The following CCDC88C variants were observed in gnomAD, a reference collection of about 807,000 sequenced individuals.
The protein encoded by CCDC88C is coiled-coil and HOOK domain protein 88C, also known as protein Daple.
In CCDC88C, 131 loss-of-function variants were observed where a neutral mutation model predicts 198.8. The ratio of observed to expected loss-of-function variants is 0.66; its 90% CI spans 0.57 to 0.76. CCDC88C has a LOEUF of 0.76. Ranked by LOEUF, CCDC88C falls within the 30% of genes least tolerant of loss-of-function variation. The pLI is 0.00. For missense variants in CCDC88C, 2,553 were observed against 2,631.6 expected (o/e 0.97, Z 0.65); for synonymous variants, 1,166 against 1,114.7 (o/e 1.05, Z -0.92).
At chr14:91,293,554 C>CACCCGCCACAG (rs1890847548) in intron 23 of CCDC88C, among the ~76,000 whole-genome samples, 1 of 49,170 alleles carries the variant, frequency 2.0e-5, no homozygotes, top group Non-Finnish European at 4.1e-5. Context: ...CTTCCTGTCC[C>CACCCGCCACAG]CTCGCCTGCC....
Position 91,272,460 on chromosome 14 carries a change from C to T in CCDC88C, c.*165G>A. On this transcript the variant is annotated 3_prime_UTR_variant, in exon 30 of 30. Transcript: ENST00000389857. ...ACCTGGAAGCGTAATCCTCTTGGGG[C>T]TTGGCACAGTGTTTCCATTCACAGA... 1.4e-6 allele frequency: 1 copy of T among 696,514 alleles called. No individual in the cohort carries two copies. The highest frequency in any genetic ancestry group is 2.4e-6 in the Non-Finnish European group (1 of 424,206). The allele number at this position is 696,514 out of a possible 1,614,324, so 43.1% of individuals were successfully genotyped here.
chr14:91,289,465 G>A, intron 24 of CCDC88C, 122 bp from the exon 25 acceptor site: 1 of 845,690 alleles, frequency 1.2e-6, no homozygotes, highest in African/African-American at 1.6e-5. Flanking sequence ...CACTCACGTG[G>A]GGTTCAGGAC....
chr14:91,390,720 G>C (rs1885457187), intron 3 of CCDC88C, among the ~76,000 whole-genome samples: 1 of 152,122 alleles, frequency 6.6e-6, no homozygotes, highest in Non-Finnish European at 1.5e-5. Context: ...AGGATTCCCA[G>C]AGCCTAAGGG....
At chr14:91,384,655 C>T (rs1461639115) in intron 3 of CCDC88C, 9 of 384,544 alleles carry the variant, frequency 2.3e-5, no homozygotes, top group Admixed American at 6.0e-5. Context: ...GGCCAGCCTA[C>T]CCCAACTGCA....
rs541845801 is a variant in CCDC88C at position 91,299,910 on chromosome 14, C to T, written c.3779+17G>A. The T allele has an allele frequency of 9.5e-6, 15 of 1,572,920 alleles. No individual in the cohort carries two copies. The highest frequency in any genetic ancestry group is 2.0e-4 in the Middle Eastern group (1 of 4,910). ...TCTGGGGTGCTGCTATGTGCAGGGC[C>T]GGGCGCCGGCGCTCACCTGTCCAGC... On this transcript the variant is annotated intron_variant, in intron 21 of 29. Coordinates refer to ENST00000389857, the MANE Select transcript of CCDC88C (RefSeq NM_001080414.4).
chr14:91,303,233 A>T (rs115595310), intron 20 of CCDC88C, among the ~76,000 whole-genome samples: 4,268 of 136,764 alleles, frequency 0.031, 73 homozygotes, highest in Non-Finnish European at 0.047. Context: ...CTCCCCACAC[A>T]CCCTGCCTCT....
chr14:91,384,406 T>C (rs1596141060), intron 3 of CCDC88C: 2 of 510,976 alleles, frequency 3.9e-6, no homozygotes, highest in African/African-American at 1.9e-5. Flanking sequence ...AAGCGGAAGG[T>C]AGACCATCCT....
intron 26 of CCDC88C, among the ~76,000 whole-genome samples, chr14:91,282,426 G>A (rs963024739): frequency 8.5e-5 from 13 of 152,106 alleles, no homozygotes; most frequent in Admixed American, 5.9e-4. Context: ...GCCCTTTTCC[G>A]TTTTAAGCAT....
Position 91,309,944 on chromosome 14 carries a change from C to A in CCDC88C, c.2779G>T (p.Glu927Ter). 1.2e-6 allele frequency: 2 copies of A among 1,605,406 alleles called. No homozygotes were observed. The highest frequency in any genetic ancestry group is 1.7e-6 in the Non-Finnish European group (2 of 1,176,024). The part of the protein sequence containing the change: ...EKLKSQQLSS[E>*]LDKLSQELEK... ...AGTTCCTGGCTCAGCTTGTCCAGCT[C>A]ACTGCTGAGCTGCTGGCTCTTCAGC... Residue 927 changes from glutamate (E) to a stop codon, truncating the protein, a stop_gained, in exon 16 of 30, where the codon GAG becomes TAG. Coordinates refer to ENST00000389857, the MANE Select transcript of CCDC88C (RefSeq NM_001080414.4). LOFTEE classifies it high-confidence loss of function.
Position 91,297,426 on chromosome 14 carries a change from A to G in CCDC88C, c.3845T>C (p.Leu1282Pro), listed in dbSNP as rs1475860355. 2.5e-6 allele frequency: 4 copies of G among 1,606,198 alleles called. No individual in the cohort carries two copies. Among genetic ancestry groups the G allele is most frequent in the Non-Finnish European group, 3.4e-6 (4 of 1,176,400 alleles). ...CTGCGCGTTGTTCAGTGAGGTTTTCAGCTCCTTGGTGTGGGCGTGCAGCTC... is the reference window on the plus strand; with the variant it reads ...CTGCGCGTTGTTCAGTGAGGTTTTCGGCTCCTTGGTGTGGGCGTGCAGCTC... ...YEELHAHTKE[L>P]KTSLNNAQLE... Residue 1282 changes from leucine to proline, a missense_variant, in exon 22 of 30, where the codon CTG becomes CCG. This residue lies in a region of CCDC88C where 1,293 missense variants were observed against 1,219.6 expected (regional missense o/e 1.06). Coordinates refer to ENST00000389857, the MANE Select transcript of CCDC88C (RefSeq NM_001080414.4).
intron 25 of CCDC88C, among the ~76,000 whole-genome samples, chr14:91,287,936 T>G (rs1315477532): frequency 6.6e-6 from 1 of 152,218 alleles, no homozygotes; most frequent in African/African-American, 2.4e-5. Context: ...AGGTAAATGC[T>G]GTGTCTAATC....
Position 91,272,625 on chromosome 14 carries a change from T to G in CCDC88C, c.6087A>C (p.Ter2029CysextTer5). ...QTVWYEYGCV* is the reference protein window; with the variant it reads ...QTVWYEYGCVC ...GTTTGCGAGCTCAACCACGAGACAGTCACACACAGCCGTACTCATACCACA... is the reference window on the plus strand; with the variant it reads ...GTTTGCGAGCTCAACCACGAGACAGGCACACACAGCCGTACTCATACCACA... Residue 2029 changes from the stop codon to cysteine (C), a stop_lost, in exon 30 of 30, where the codon TGA becomes TGC. Coordinates refer to ENST00000389857, the MANE Select transcript of CCDC88C (RefSeq NM_001080414.4). 6.2e-7 allele frequency: 1 copy of G among 1,603,842 alleles called. No individual in the cohort carries two copies. The highest frequency in any genetic ancestry group is 8.5e-7 in the Non-Finnish European group (1 of 1,176,380).
chr14:91,409,168 CAGA>C (rs752293800), intron 2 of CCDC88C, among the ~76,000 whole-genome samples: 2 of 141,944 alleles, frequency 1.4e-5, no homozygotes, highest in African/African-American at 5.3e-5. Flanking sequence ...TCAAGAAAGA[CAGA>C]AGGAGAAAAA....
chr14:91,373,266 G>A (rs939066726), intron 3 of CCDC88C, among the ~76,000 whole-genome samples: 1 of 152,174 alleles, frequency 6.6e-6, no homozygotes, highest in African/African-American at 2.4e-5. Flanking sequence ...CCCTATGGTG[G>A]TCTGGACTCA....
chr14:91,395,459 G>A (rs951602954), intron 3 of CCDC88C, among the ~76,000 whole-genome samples: 2 of 152,172 alleles, frequency 1.3e-5, no homozygotes, highest in African/African-American at 4.8e-5. Context: ...GTGAACACAA[G>A]CTTCTGGACC....
chr14:91,404,730 G>C (rs779396789), intron 3 of CCDC88C, among the ~76,000 whole-genome samples: 18 of 152,148 alleles, frequency 1.2e-4, no homozygotes, highest in Non-Finnish European at 2.4e-4. Flanking sequence ...TTGGGAGGCT[G>C]AGGCGGGTGG....
At chr14:91,275,186 G>A (rs1465543796) in intron 29 of CCDC88C, among the ~76,000 whole-genome samples, 7 of 152,156 alleles carry the variant, frequency 4.6e-5, no homozygotes. Flanking sequence ...CTCGCTGCAT[G>A]CCAGACATCA....
chr14:91,364,385 A>G (rs1894437942), intron 3 of CCDC88C, among the ~76,000 whole-genome samples: 1 of 151,860 alleles, frequency 6.6e-6, no homozygotes, highest in Admixed American at 6.6e-5. Flanking sequence ...TCCTGGAATG[A>G]CTCCTCGGCC....
rs73336427 is a variant in CCDC88C, at chr14:91,274,103, G to A, written c.5059-450C>T. ...CATAAGGACTTCACCTTGCGCCACC[G>A]AGAGCAAGAGGAACAAGAGCAGCTC... is the stretch of plus-strand genomic sequence containing the variant. On this transcript the variant is annotated intron_variant, in intron 29 of 29. Coordinates refer to ENST00000389857, the MANE Select transcript of CCDC88C (RefSeq NM_001080414.4). Among the ~76,000 whole-genome samples the A allele has an allele frequency of 5.3e-3, 802 of 151,844 alleles. 6 individuals carry two copies. The highest frequency in any genetic ancestry group is 0.019 in the African/African-American group (770 of 41,338).
Sources: gnomAD v4.1 joint callset for allele counts (sites outside exome capture counted in the v4.1 genomes callset) on GRCh38, gnomAD v4.1.1 for gene constraint, gnomAD v4.1.1 regional missense constraint, MANE v1.5 for transcripts, NCBI Gene and HGNC (gene_info 2026-07-23, HGNC 2026-07-21) for gene names.